The following WDR11 variants were observed in gnomAD, a reference collection of about 807,000 sequenced individuals.
WDR11 encodes the protein WD repeat domain 11, also known as WD repeat-containing protein 11.
A neutral mutation model predicts 151.2 loss-of-function variants in WDR11; 83 were observed. The ratio of observed to expected loss-of-function variants is 0.55; its 90% CI spans 0.46 to 0.66. The LOEUF is 0.66. Among genes scored for constraint, WDR11 ranks in the 30% least tolerant of loss-of-function variants. The pLI is 0.00. For synonymous variants in WDR11, 484 were observed against 533.1 expected (o/e 0.91, Z 1.27); for missense variants, 1,301 against 1,480.9 (o/e 0.88, Z 1.99).
At chr10:120,855,397 CAT>C (rs556925520) in intron 2 of WDR11, among the ~76,000 whole-genome samples, 135 of 151,600 alleles carry the variant, frequency 8.9e-4, no homozygotes, top group African/African-American at 3.1e-3. Context: ...TTTTTTGTGT[CAT>C]ATGTTTGGAT....
In WDR11 at chr10:120,909,425, C is replaced by CTAAT. The variant is rs1427321397; in HGVS notation, c.*713_*716dup. The CTAAT allele has an allele frequency of 6.5e-6, 1 of 152,744 alleles. No homozygotes were observed. Among genetic ancestry groups the CTAAT allele is most frequent in the Non-Finnish European group, 1.5e-5 (1 of 68,178 alleles). The allele number at this position is 152,744 out of a possible 1,614,324, so 9.5% of individuals were successfully genotyped here. ...TTTGTACTTTAATGTTCTCTCTGTT[C>CTAAT]TAATAGTTGAAGTATGAGATGTAAC... is the stretch of plus-strand genomic sequence containing the variant. On this transcript the variant is annotated 3_prime_UTR_variant, in exon 29 of 29. Coordinates refer to ENST00000263461, the MANE Select transcript of WDR11 (RefSeq NM_018117.12).
rs192151739 is a variant in WDR11, at chr10:120,867,181, T to C, written c.1294+12T>C. 35 of 1,585,424 alleles carry C rather than the reference T, an allele frequency of 2.2e-5. No individual in the cohort carries two copies. The highest frequency in any genetic ancestry group is 8.3e-5 in the Admixed American group (5 of 59,970). ...AGATAACATGATTGGTAAGCTTTTT[T>C]CCCCTCTAACTCCATGTTAAGTATT... On this transcript the variant is annotated intron_variant, in intron 9 of 28. Transcript: ENST00000263461.
chr10:120,871,806 A>G (rs939420568), intron 10 of WDR11, among the ~76,000 whole-genome samples: 5 of 152,204 alleles, frequency 3.3e-5, no homozygotes, highest in Admixed American at 6.5e-5. Flanking sequence ...TAAAGTGGCT[A>G]TGGTCCCTAT....
chr10:120,873,982 TA>T, intron 11 of WDR11, 59 bp downstream of exon 11: 1 of 1,131,340 alleles, frequency 8.8e-7, no homozygotes, highest in Non-Finnish European at 1.3e-6. Context: ...AAAATTCTCA[TA>T]GACTTTTCTA....
At chr10:120,890,079 CTTCT>C (rs1847375583) in intron 18 of WDR11, 70 bp downstream of exon 18, 2 of 1,095,222 alleles carry the variant, frequency 1.8e-6, no homozygotes, top group East Asian at 4.8e-5. Flanking sequence ...TGTTAAAAAA[CTTCT>C]TTCTGATTTA....
chr10:120,869,104 AG>A (rs59791915), intron 9 of WDR11, among the ~76,000 whole-genome samples: 35,888 of 131,052 alleles, frequency 0.27, 5,610 homozygotes, highest in East Asian at 0.39. Context: ...TATAAATTAC[AG>A]GTTTTTTTTT....
At chr10:120,874,701 G>T (rs570529484) in intron 11 of WDR11, among the ~76,000 whole-genome samples, 10 of 151,920 alleles carry the variant, frequency 6.6e-5, no homozygotes, top group Non-Finnish European at 1.3e-4. Flanking sequence ...GAGGATGATG[G>T]CTTCCAGCTC....
At chr10:120,858,937 G>T (rs1846038332) in intron 3 of WDR11, 141 bp downstream of exon 3, 1 of 1,040,694 alleles carries the variant, frequency 9.6e-7, no homozygotes, top group Non-Finnish European at 1.4e-6. Context: ...CTATTCTGCT[G>T]ATCTAAATCT....
At chr10:120,863,191 A>G (rs982134316) in intron 5 of WDR11, among the ~76,000 whole-genome samples, 1 of 152,240 alleles carries the variant, frequency 6.6e-6, no homozygotes, top group Non-Finnish European at 1.5e-5. Context: ...TACTTGTGAA[A>G]ATCGCAATGA....
Position 120,908,870 on chromosome 10 carries a change from G to A in WDR11, c.*157G>A, listed in dbSNP as rs1848178858. On this transcript the variant is annotated 3_prime_UTR_variant, in exon 29 of 29. Coordinates refer to ENST00000263461, the MANE Select transcript of WDR11 (RefSeq NM_018117.12). ...ACTATGTGTGCCCAAAAGCACATAA[G>A]CATCTATGTTGAGAGTAAGTTTGTA... 5.2e-6 allele frequency: 4 copies of A among 770,532 alleles called. No individual in the cohort carries two copies. Among genetic ancestry groups the A allele is most frequent in the South Asian group, 1.5e-5 (1 of 65,972 alleles). The allele number at this position is 770,532 out of a possible 1,614,324, so 47.7% of individuals were successfully genotyped here. A position where few individuals can be genotyped will look rare whatever the true frequency, so the allele number is the denominator to read the frequency against.
rs766881339 is a variant in WDR11 at position 120,904,614 on chromosome 10, C to G, written c.3028-32C>G. ...AAAAGTTATGTTGGAGGAAAATGTT[C>G]TCATAATTAGAAAAACCGTTTCTCT... is the stretch of plus-strand genomic sequence containing the variant. On this transcript the variant is annotated intron_variant, in intron 24 of 28. Coordinates refer to ENST00000263461, the MANE Select transcript of WDR11 (RefSeq NM_018117.12). 2.5e-6 allele frequency: 4 copies of G among 1,613,470 alleles called. No individual in the cohort carries two copies. The African/African-American group carries it at 5.3e-5, about 22-fold the overall frequency.
intron 18 of WDR11, among the ~76,000 whole-genome samples, chr10:120,890,259 C>T (rs1290820631): frequency 2.0e-5 from 3 of 152,084 alleles, no homozygotes; most frequent in Non-Finnish European, 4.4e-5. Context: ...GTCGCCCAGG[C>T]TGGAGTGCAA....
intron 2 of WDR11, among the ~76,000 whole-genome samples, chr10:120,852,972 G>A (rs1387887161): frequency 2.6e-5 from 4 of 152,196 alleles, no homozygotes; most frequent in African/African-American, 4.8e-5. Context: ...GACTCACAGC[G>A]TGATAGTGTG....
At chr10:120,868,299 T>A (rs372196246) in intron 9 of WDR11, among the ~76,000 whole-genome samples, 10 of 151,702 alleles carry the variant, frequency 6.6e-5, no homozygotes, top group African/African-American at 1.7e-4. Flanking sequence ...ACTAAAAATA[T>A]AAGAATTAGC....
At position 120,894,044 on chromosome 10, in the gene WDR11, C is replaced by T. The variant is rs574442863; in HGVS notation, c.2515+3157C>T. 7.3e-3 allele frequency among the ~76,000 whole-genome samples: 1,099 copies of T among 151,580 alleles called. 11 individuals carry two copies. The highest frequency in any genetic ancestry group is 0.025 in the African/African-American group (1,034 of 41,222). On this transcript the variant is annotated intron_variant, in intron 19 of 28. Coordinates refer to ENST00000263461, the MANE Select transcript of WDR11 (RefSeq NM_018117.12). ...ATTAGATCCCATTTGTCAATTTTGG[C>T]TTTTGTTGCCATTGCTTTTGGTGTT...
Position 120,908,747 on chromosome 10 carries a change from A to T in WDR11, c.*34A>T. Reference sequence around the variant, plus strand: ...TAAATGCCAGGGAATCTGACCTGGAAGGCAGATGGGAGGGGGCTGGTCTGG... The same window carrying T: ...TAAATGCCAGGGAATCTGACCTGGATGGCAGATGGGAGGGGGCTGGTCTGG... On this transcript the variant is annotated 3_prime_UTR_variant, in exon 29 of 29. Transcript: ENST00000263461. The T allele has an allele frequency of 5.6e-6, 9 of 1,612,288 alleles. No homozygotes were observed. Among genetic ancestry groups the T allele is most frequent in the Non-Finnish European group, 7.6e-6 (9 of 1,179,256 alleles).
At chr10:120,892,405 A>T (rs1323435837) in intron 19 of WDR11, among the ~76,000 whole-genome samples, 1 of 152,258 alleles carries the variant, frequency 6.6e-6, no homozygotes, top group Non-Finnish European at 1.5e-5. Flanking sequence ...CATTCCACAA[A>T]TTGAACTTCA....
intron 13 of WDR11, among the ~76,000 whole-genome samples, chr10:120,881,631 T>G (rs1008827983): frequency 6.6e-6 from 1 of 152,280 alleles, no homozygotes; most frequent in Admixed American, 6.5e-5. Context: ...CTTTGATGCT[T>G]TTATAAATGA....
rs561170623 is a variant in WDR11 at position 120,908,996 on chromosome 10, T to TTTAA, written c.*286_*289dup. The TTTAA allele has an allele frequency of 1.0e-3, 392 of 390,030 alleles. 1 individual carries two copies. Among genetic ancestry groups the TTTAA allele is most frequent in the Non-Finnish European group, 9.1e-4 (193 of 213,206 alleles). 24.2% of individuals were successfully genotyped at this position (390,030 alleles called of 1,614,324 possible). ...GCTTTAAGAGTCCCTGGAAATACTT[T>TTTAA]TTAATTTTTTTAACTTAAAATTCAA... is the stretch of plus-strand genomic sequence containing the variant. On this transcript the variant is annotated 3_prime_UTR_variant, in exon 29 of 29. Coordinates refer to ENST00000263461, the MANE Select transcript of WDR11 (RefSeq NM_018117.12).
Sources: allele counts gnomAD v4.1 joint callset (sites outside exome capture counted in the v4.1 genomes callset), GRCh38; gene constraint gnomAD v4.1.1; transcripts MANE v1.5; gene names NCBI Gene and HGNC (gene_info 2026-07-23, HGNC 2026-07-21).